Variants in TNRC6C observed in about 807,000 individuals in gnomAD.
TNRC6C encodes trinucleotide repeat-containing gene 6C protein.
In TNRC6C, 20 loss-of-function variants were observed where a neutral mutation model predicts 153.7. The observed-to-expected ratio is 0.13, with a 90% CI of 0.09 to 0.19. The LOEUF (loss-of-function observed/expected upper bound fraction) is 0.19, where lower values mean the gene tolerates loss of function less well. TNRC6C is among the 10% of genes least tolerant of loss of function. The probability of loss-of-function intolerance (pLI) is 1.00; values close to 1 mark genes in which losing one functional copy is unlikely to be tolerated. For missense variants in TNRC6C, 1,987 were observed against 2,172.0 expected, an observed-to-expected ratio of 0.91 and a Z score of 1.69; for synonymous variants, 811 against 841.4, an observed-to-expected ratio of 0.96 and a Z score of 0.63.
intron 1 of TNRC6C, among the ~76,000 whole-genome samples, chr17:77,970,959 C>T (rs934287520): frequency 2.0e-5 from 3 of 151,820 alleles, no homozygotes; most frequent in Non-Finnish European, 4.4e-5. Flanking sequence ...CAGTGAGCTA[C>T]GATCCTGCCA....
chr17:78,086,489 C>A lies in TNRC6C; in HGVS notation c.3478-14C>A. 1 of 1,611,284 alleles carries A rather than the reference C, an allele frequency of 6.2e-7. No homozygotes were observed. Among genetic ancestry groups the A allele is most frequent in the Non-Finnish European group, 8.5e-7 (1 of 1,177,646 alleles). ...TAATTATCATACTATTTTAACTCTT[C>A]GTTCTGTCAACAGGCATACCAACGT... On this transcript the variant is annotated splice_polypyrimidine_tract_variant and intron_variant, in intron 11 of 19. Coordinates refer to ENST00000301624, the Ensembl canonical transcript of TNRC6C.
intron 16 of TNRC6C, 69 bp downstream of exon 19, chr17:78,097,930 C>G: frequency 8.1e-7 from 1 of 1,239,836 alleles, no homozygotes; most frequent in Non-Finnish European, 1.1e-6. Flanking sequence ...TTTGACAGGC[C>G]CCAGCTTTTC....
At chr17:78,097,999 G>T (rs1180223602) in intron 16 of TNRC6C, 138 bp downstream of exon 19, 16 of 790,174 alleles carry the variant, frequency 2.0e-5, no homozygotes, top group Admixed American at 3.0e-5. Context: ...TGAAGGATGG[G>T]TGGGGGCCTT....
At chr17:78,096,142 T>G (rs571430167) in intron 16 of TNRC6C, among the ~76,000 whole-genome samples, 1 of 152,278 alleles carries the variant, frequency 6.6e-6, no homozygotes, top group Admixed American at 6.5e-5. Context: ...AAAGACCTTC[T>G]TGAGGGAATT....
At chr17:78,070,200 G>T (rs1309203641) in intron 5 of TNRC6C, among the ~76,000 whole-genome samples, 3 of 152,056 alleles carry the variant, frequency 2.0e-5, no homozygotes, top group African/African-American at 7.2e-5. Context: ...GTTAATGATG[G>T]GACCAAAAAT....
intron 5 of TNRC6C, among the ~76,000 whole-genome samples, chr17:78,069,941 A>AGT (rs1436178117): frequency 2.0e-5 from 3 of 152,356 alleles, no homozygotes; most frequent in South Asian, 4.1e-4. Flanking sequence ...TGCTATGAGT[A>AGT]GTGCCTCTTC....
intron 11 of TNRC6C, among the ~76,000 whole-genome samples, chr17:78,083,909 A>T (rs770873005): frequency 2.7e-4 from 41 of 152,150 alleles, no homozygotes; most frequent in Non-Finnish European, 5.1e-4. Flanking sequence ...ACACTAAAAG[A>T]CCCAGTTAAT....
Position 78,104,449 on chromosome 17 carries a change from G to A in TNRC6C, c.4713-36G>A, listed in dbSNP as rs1441803689. The A allele has an allele frequency of 3.4e-6, 5 of 1,458,700 alleles. No homozygotes were observed. Among genetic ancestry groups the A allele is most frequent in the Non-Finnish European group, 4.5e-6 (5 of 1,102,470 alleles). The allele number at this position is 1,458,700 out of a possible 1,614,324, so 90.4% of individuals were successfully genotyped here. On this transcript the variant is annotated intron_variant, in intron 19 of 19. Transcript: ENST00000301624. This position sits in a 1 kb window ranked among gnomAD's most constrained non-coding sequence, Gnocchi z 6.2. ...TGCCACGAACTCAGCAGGACTTGGG[G>A]TGGCCCTGTTCACGTGCCCCATCTT...
intron 1 of TNRC6C, among the ~76,000 whole-genome samples, chr17:77,970,467 G>A (rs746946158): frequency 7.9e-5 from 12 of 152,156 alleles, no homozygotes; most frequent in Non-Finnish European, 1.6e-4. Flanking sequence ...GGGATTGCAA[G>A]TGTGAGCAAC....
chr17:78,013,402 G>A (rs977885901), intron 1 of TNRC6C, among the ~76,000 whole-genome samples: 15 of 152,206 alleles, frequency 9.9e-5, no homozygotes, highest in African/African-American at 2.4e-4. Flanking sequence ...GCTAAGTGGC[G>A]GGGGTAGACA....
At chr17:78,098,313 T>A in intron 16 of TNRC6C, 30 bp from the exon 20 acceptor site, 1 of 1,569,876 alleles carries the variant, frequency 6.4e-7, no homozygotes, top group Non-Finnish European at 8.6e-7. Context: ...GTCTCAAGAC[T>A]GCATATGCTC....
At chr17:78,098,710 G>A (rs2073534442) in intron 17 of TNRC6C, among the ~76,000 whole-genome samples, 173 bp downstream of exon 20, 1 of 152,202 alleles carries the variant, frequency 6.6e-6, no homozygotes, top group African/African-American at 2.4e-5. Context: ...GTAGCTGGGT[G>A]AGCCTGGTGT....
intron 2 of TNRC6C, among the ~76,000 whole-genome samples, chr17:78,042,129 T>G (rs375485878): frequency 3.3e-5 from 5 of 152,374 alleles, no homozygotes; most frequent in African/African-American, 9.6e-5. Context: ...CCTTTTTAAT[T>G]TAATCACTTA....
At chr17:78,040,714 T>G (rs902413684) in intron 2 of TNRC6C, among the ~76,000 whole-genome samples, 1 of 152,228 alleles carries the variant, frequency 6.6e-6, no homozygotes, top group Non-Finnish European at 1.5e-5. Flanking sequence ...TGATGCTAAT[T>G]GTAACTGGGT....
chr17:77,967,876 C>G (rs772100093), intron 1 of TNRC6C, among the ~76,000 whole-genome samples: 1 of 152,174 alleles, frequency 6.6e-6, no homozygotes. Context: ...ATATCCCGCC[C>G]TCCTTTAGGG....
intron 1 of TNRC6C, among the ~76,000 whole-genome samples, chr17:77,988,940 A>G (rs1022245961): frequency 4.7e-4 from 72 of 152,342 alleles, no homozygotes; most frequent in African/African-American, 1.7e-3. Context: ...GCAGGGACCT[A>G]GAACATCATG....
At chr17:78,093,377 C>T (rs66560815) in intron 15 of TNRC6C, 4 of 662,532 alleles carry the variant, frequency 6.0e-6, no homozygotes, top group Non-Finnish European at 1.0e-5. Flanking sequence ...GCACACTGCA[C>T]ACTATCCGGT....
intron 1 of TNRC6C, among the ~76,000 whole-genome samples, chr17:78,007,950 C>T (rs969046384): frequency 1.3e-5 from 2 of 152,132 alleles, no homozygotes; most frequent in African/African-American, 4.8e-5. Flanking sequence ...AATAGAAATG[C>T]TTTAAATTTG....
intron 1 of TNRC6C, among the ~76,000 whole-genome samples, chr17:77,963,971 T>C (rs1046596293): frequency 1.3e-5 from 2 of 152,192 alleles, no homozygotes; most frequent in African/African-American, 4.8e-5. Context: ...TGCCTCTTTG[T>C]TGCAATACTT....
Sources: gnomAD v4.1 joint callset for allele counts (sites outside exome capture counted in the v4.1 genomes callset) on GRCh38, gnomAD v4.1.1 for gene constraint, Gnocchi (gnomAD v3.1) non-coding constraint, MANE v1.5 for transcripts, NCBI Gene and HGNC (gene_info 2026-07-23, HGNC 2026-07-21) for gene names.